SLC8A1: variants seen among roughly 807,000 people sequenced by gnomAD.
SLC8A1 encodes sodium/calcium exchanger 1.
In SLC8A1, 18 loss-of-function variants were observed where a neutral mutation model predicts 68.3. That is an observed-to-expected ratio of 0.26 (90% CI 0.18 to 0.39). SLC8A1 has a LOEUF of 0.39. Among genes scored for constraint, SLC8A1 ranks in the 10% least tolerant of loss-of-function variants. The probability of loss-of-function intolerance (pLI) is 1.00; values close to 1 mark genes in which losing one functional copy is unlikely to be tolerated. For missense variants in SLC8A1, 985 were observed against 1,156.7 expected (o/e 0.85, Z 2.15); for synonymous variants, 475 against 415.5 (o/e 1.14, Z -1.74).
At chr2:40,222,019 C>T (rs1199668395) in intron 2 of SLC8A1, among the ~76,000 whole-genome samples, 12 of 152,206 alleles carry the variant, frequency 7.9e-5, no homozygotes, top group African/African-American at 2.9e-4. Flanking sequence ...GAAAAAGCTA[C>T]TGTAAATTTC....
At chr2:40,234,878 C>T (rs949966917) in intron 2 of SLC8A1, among the ~76,000 whole-genome samples, 6 of 151,968 alleles carry the variant, frequency 3.9e-5, no homozygotes, top group African/African-American at 9.7e-5. Flanking sequence ...TTGTCTTTGG[C>T]TCTGTTTATA....
chr2:40,274,148 C>G (rs1369109908), intron 2 of SLC8A1, among the ~76,000 whole-genome samples: 1 of 149,470 alleles, frequency 6.7e-6, no homozygotes, highest in Non-Finnish European at 1.5e-5. Flanking sequence ...GTGGAACAGC[C>G]CTTGTGGATG....
intron 2 of SLC8A1, among the ~76,000 whole-genome samples, chr2:40,421,897 C>G (rs531617628): frequency 6.6e-6 from 1 of 152,156 alleles, no homozygotes; most frequent in Non-Finnish European, 1.5e-5. Flanking sequence ...GGCAGCATGT[C>G]GAGCCAGGAG....
Position 40,191,357 on chromosome 2 carries a change from G to C in SLC8A1, c.1809-13502C>G, listed in dbSNP as rs574758232. ...TAAAAAAACATCAGTTATCATTTTG[G>C]AGTTCATATTCTTGATAGAAGGGAT... On this transcript the variant is annotated intron_variant, in intron 2 of 7. Coordinates refer to ENST00000406785, the Ensembl canonical transcript of SLC8A1. Among the ~76,000 whole-genome samples the C allele has an allele frequency of 2.0e-5, 3 of 152,166 alleles. No homozygotes were observed. The South Asian group carries it at 6.2e-4, about 32-fold the overall frequency.
intron 2 of SLC8A1, among the ~76,000 whole-genome samples, chr2:40,259,717 C>A (rs1386793349): frequency 6.6e-6 from 1 of 152,102 alleles, no homozygotes; most frequent in African/African-American, 2.4e-5. Flanking sequence ...TTTACTATTG[C>A]CAATATAGCA....
At chr2:40,212,689 A>G (rs1406408408) in intron 2 of SLC8A1, among the ~76,000 whole-genome samples, 1 of 152,224 alleles carries the variant, frequency 6.6e-6, no homozygotes, top group Non-Finnish European at 1.5e-5. Context: ...AGCAAGATGG[A>G]GCATTAACAA....
intron 4 of SLC8A1, among the ~76,000 whole-genome samples, chr2:40,168,625 G>A (rs981462449): frequency 4.6e-5 from 7 of 152,076 alleles, no homozygotes; most frequent in African/African-American, 1.7e-4. Context: ...TGTTGAATAC[G>A]GAAATGGTTT....
At chr2:40,396,261 A>G (rs934267226) in intron 2 of SLC8A1, among the ~76,000 whole-genome samples, 2 of 152,092 alleles carry the variant, frequency 1.3e-5, no homozygotes, top group Non-Finnish European at 2.9e-5. Context: ...TAAATCCTCA[A>G]TCCATGAAGT....
chr2:40,478,808 G>C (rs1434954401), intron 1 of SLC8A1, among the ~76,000 whole-genome samples: 1 of 145,200 alleles, frequency 6.9e-6, no homozygotes. Context: ...TTTCGCTCTT[G>C]TTGCCCAGGC....
intron 1 of SLC8A1, among the ~76,000 whole-genome samples, chr2:40,477,820 C>T (rs1451576117): frequency 6.6e-6 from 1 of 152,090 alleles, no homozygotes; most frequent in East Asian, 1.9e-4. Flanking sequence ...CATTGAATAA[C>T]CAAGTTTCCA....
chr2:40,325,307 A>C (rs1171400259), intron 2 of SLC8A1, among the ~76,000 whole-genome samples: 7 of 152,160 alleles, frequency 4.6e-5, no homozygotes, highest in Non-Finnish European at 8.8e-5. Context: ...CAGGAAGAGA[A>C]TGTTTCTTGA....
chr2:40,214,228 C>T (rs1157120490), intron 2 of SLC8A1, among the ~76,000 whole-genome samples: 7 of 152,156 alleles, frequency 4.6e-5, no homozygotes, highest in Non-Finnish European at 1.0e-4. Flanking sequence ...ATTATAGCCT[C>T]TTCAGCTATG....
chr2:40,287,906 A>T (rs371150210), intron 2 of SLC8A1, among the ~76,000 whole-genome samples: 1 of 152,062 alleles, frequency 6.6e-6, no homozygotes, highest in Admixed American at 6.6e-5. Context: ...GGGATTCTGG[A>T]AAGAGGAAGA....
At chr2:40,399,811 G>C (rs1348233661) in intron 2 of SLC8A1, among the ~76,000 whole-genome samples, 1 of 152,032 alleles carries the variant, frequency 6.6e-6, no homozygotes, top group Admixed American at 6.6e-5. Flanking sequence ...ACTAAGGGAG[G>C]GGACCACCCC....
intron 1 of SLC8A1, among the ~76,000 whole-genome samples, chr2:40,437,181 G>A (rs1043645065): frequency 1.3e-5 from 2 of 152,228 alleles, no homozygotes; most frequent in East Asian, 1.9e-4. Context: ...AAACTATAAC[G>A]ATTTCCAAAA....
At chr2:40,265,943 C>T (rs1027757714) in intron 2 of SLC8A1, among the ~76,000 whole-genome samples, 1 of 152,082 alleles carries the variant, frequency 6.6e-6, no homozygotes, top group Non-Finnish European at 1.5e-5. Flanking sequence ...CAAATGCTTC[C>T]AATCTATTCA....
chr2:40,400,246 T>G (rs1329063355), intron 2 of SLC8A1, among the ~76,000 whole-genome samples: 1 of 152,188 alleles, frequency 6.6e-6, no homozygotes, highest in East Asian at 1.9e-4. Context: ...GAGTTTTGTC[T>G]GCGGCTTGTC....
intron 2 of SLC8A1, among the ~76,000 whole-genome samples, chr2:40,259,076 C>CTA (rs2064340190): frequency 6.6e-6 from 1 of 152,036 alleles, no homozygotes; most frequent in Non-Finnish European, 1.5e-5. Context: ...TGAGGTGTTA[C>CTA]TATTAGTACT....
At chr2:40,363,712 G>C (rs1029582587) in intron 2 of SLC8A1, among the ~76,000 whole-genome samples, 1 of 152,078 alleles carries the variant, frequency 6.6e-6, no homozygotes, top group African/African-American at 2.4e-5. Context: ...CTTTGTGGCA[G>C]GTAATAATGA....
Sources: gnomAD v4.1 joint callset for allele counts (sites outside exome capture counted in the v4.1 genomes callset) on GRCh38, gnomAD v4.1.1 for gene constraint, MANE v1.5 for transcripts, NCBI Gene and HGNC (gene_info 2026-07-23, HGNC 2026-07-21) for gene names.